PLAAT1: variants seen among roughly 807,000 people sequenced by gnomAD.
PLAAT1 encodes the protein phospholipase A and acyltransferase 1, also known as H-REV107 protein-related protein.
In PLAAT1, 13 loss-of-function variants were observed where a neutral mutation model predicts 16.4. That is an observed-to-expected ratio of 0.79 (90% CI 0.52 to 1.26). The LOEUF (loss-of-function observed/expected upper bound fraction) is 1.26. Ranked by LOEUF, PLAAT1 falls within the 50% of genes most tolerant of loss-of-function variation. The pLI, the probability that PLAAT1 is intolerant of heterozygous loss-of-function variation, is 0.00. For missense variants in PLAAT1, 218 were observed against 207.8 expected (o/e 1.05, Z -0.30); for synonymous variants, 73 against 78.4 (o/e 0.93, Z 0.36).
intron 1 of PLAAT1, among the ~76,000 whole-genome samples, chr3:193,248,725 A>G (rs1171637789): frequency 6.6e-6 from 1 of 152,092 alleles, no homozygotes; most frequent in Non-Finnish European, 1.5e-5. Flanking sequence ...ATTTGTTTTT[A>G]TTGACAATTT....
rs564998857 is a variant in PLAAT1, at chr3:193,267,568, T to C, written c.406-3036T>C. 6.6e-5 allele frequency among the ~76,000 whole-genome samples: 10 copies of C among 152,344 alleles called. 1 individual carries two copies. The South Asian group carries it at 2.1e-3, about 32-fold the overall frequency. ...CATTTCTTTTTAGCACTGAATGATA[T>C]TCCATTTCCTTGATTTACCACACCT... On this transcript the variant is annotated intron_variant, in intron 3 of 3. Transcript: ENST00000264735.
chr3:193,253,024 T>C (rs1716250471), intron 1 of PLAAT1, among the ~76,000 whole-genome samples: 1 of 152,138 alleles, frequency 6.6e-6, no homozygotes, highest in Non-Finnish European at 1.5e-5. Flanking sequence ...GCAGTGCTGC[T>C]TTTTAGGTTT....
chr3:193,259,049 C>A (rs1337029322), intron 2 of PLAAT1, among the ~76,000 whole-genome samples: 7 of 152,136 alleles, frequency 4.6e-5, no homozygotes, highest in Admixed American at 1.3e-4. Flanking sequence ...AAAGTTAATT[C>A]ATAATCAAGA....
At chr3:193,274,529 C>T (rs1033996782), downstream of PLAAT1, among the ~76,000 whole-genome samples, 1 of 152,110 alleles carries the variant, frequency 6.6e-6, no homozygotes, top group Non-Finnish European at 1.5e-5. Context: ...GTTGAATTTC[C>T]GAAAGGGTTG....
chr3:193,270,726 G>A lies in PLAAT1; in HGVS notation c.*21G>A. The A allele has an allele frequency of 1.7e-5, 28 of 1,606,278 alleles. No individual in the cohort carries two copies. Among genetic ancestry groups the A allele is most frequent in the Non-Finnish European group, 2.3e-5 (27 of 1,175,874 alleles). On this transcript the variant is annotated 3_prime_UTR_variant, in exon 4 of 4. Transcript: ENST00000264735. ...ATTAACAATTTACCAAAGAGATATT[G>A]ATATTGAAGGAATTTGGGAGGAGGA...
intron 2 of PLAAT1, among the ~76,000 whole-genome samples, chr3:193,261,966 G>A (rs1338734099): frequency 6.6e-6 from 1 of 152,192 alleles, no homozygotes; most frequent in Non-Finnish European, 1.5e-5. Context: ...AGGACAGACA[G>A]AAGGATAGTG....
At chr3:193,270,573 T>A (rs781562876) in intron 3 of PLAAT1, 31 bp from the exon 4 acceptor site, 1 of 1,594,720 alleles carries the variant, frequency 6.3e-7, no homozygotes. Flanking sequence ...GAATATGATG[T>A]GTTTTTTGTT....
At chr3:193,240,961 T>C (rs1043083000), upstream of PLAAT1, among the ~76,000 whole-genome samples, 3 of 152,104 alleles carry the variant, frequency 2.0e-5, no homozygotes, top group African/African-American at 7.2e-5. Flanking sequence ...CAGCGCCTGG[T>C]GCCCTAAACG....
intron 2 of PLAAT1, among the ~76,000 whole-genome samples, chr3:193,256,458 G>T (rs912215921): frequency 6.6e-6 from 1 of 152,156 alleles, no homozygotes. Context: ...CAAGGGGACA[G>T]CAGACACTAA....
At chr3:193,274,159 C>G (rs1381007097), downstream of PLAAT1, among the ~76,000 whole-genome samples, 1 of 152,068 alleles carries the variant, frequency 6.6e-6, no homozygotes, top group Non-Finnish European at 1.5e-5. Flanking sequence ...AGGGGAATTG[C>G]TTGAATCTGG....
At chr3:193,272,773 A>T (rs1324981532), downstream of PLAAT1, among the ~76,000 whole-genome samples, 1 of 151,892 alleles carries the variant, frequency 6.6e-6, no homozygotes, top group East Asian at 1.9e-4. Context: ...TCATGTTCAC[A>T]TTGGTAGTGT....
chr3:193,244,973 A>G (rs1715925167), intron 1 of PLAAT1, among the ~76,000 whole-genome samples: 1 of 152,228 alleles, frequency 6.6e-6, no homozygotes, highest in Non-Finnish European at 1.5e-5. Context: ...CAGTTTCAAC[A>G]TGCATTTTGG....
chr3:193,248,379 G>A (rs1560098469), intron 1 of PLAAT1, among the ~76,000 whole-genome samples: 1 of 151,836 alleles, frequency 6.6e-6, no homozygotes, highest in South Asian at 2.1e-4. Flanking sequence ...CATTCAATAT[G>A]TTTTGACTGG....
At chr3:193,254,052 C>G (rs1716290197) in intron 1 of PLAAT1, among the ~76,000 whole-genome samples, 1 of 152,064 alleles carries the variant, frequency 6.6e-6, no homozygotes, top group South Asian at 2.1e-4. Flanking sequence ...ATCTATTTTT[C>G]CTTTTAATAC....
chr3:193,255,600 T>A (rs1369264879), intron 1 of PLAAT1, 51 bp from the exon 2 acceptor site: 2 of 1,545,900 alleles, frequency 1.3e-6, no homozygotes, highest in African/African-American at 2.8e-5. Flanking sequence ...TAAACTGATT[T>A]TCTTTTGGCA....
intron 1 of PLAAT1, among the ~76,000 whole-genome samples, chr3:193,250,999 G>A (rs1384006986): frequency 2.0e-5 from 3 of 152,152 alleles, no homozygotes; most frequent in East Asian, 1.9e-4. Flanking sequence ...TTGCTGGAGC[G>A]AGCAGGGGAA....
intron 1 of PLAAT1, among the ~76,000 whole-genome samples, chr3:193,253,548 G>T (rs988802625): frequency 1.3e-5 from 2 of 152,004 alleles, no homozygotes; most frequent in Admixed American, 6.6e-5. Flanking sequence ...CTTTTTACCA[G>T]CTCCCTAAGG....
chr3:193,254,367 G>A (rs1716301115), intron 1 of PLAAT1, among the ~76,000 whole-genome samples: 1 of 152,118 alleles, frequency 6.6e-6, no homozygotes, highest in Non-Finnish European at 1.5e-5. Flanking sequence ...TGATTTGGAA[G>A]TTTCTATTTC....
At chr3:193,242,267 G>T (rs1005714605) in intron 1 of PLAAT1, among the ~76,000 whole-genome samples, 1 of 152,018 alleles carries the variant, frequency 6.6e-6, no homozygotes, top group Non-Finnish European at 1.5e-5. Flanking sequence ...CATAGCGTAT[G>T]CCCCACAAGA....
Sources: gnomAD v4.1 joint callset for allele counts (sites outside exome capture counted in the v4.1 genomes callset) on GRCh38, gnomAD v4.1.1 for gene constraint, MANE v1.5 for transcripts, NCBI Gene and HGNC (gene_info 2026-07-23, HGNC 2026-07-21) for gene names.